GRIK4: variants seen among roughly 807,000 people sequenced by gnomAD.
The protein encoded by GRIK4 is glutamate receptor ionotropic, kainate 4.
In GRIK4, 40 loss-of-function variants were observed where a neutral mutation model predicts 104.9. The ratio of observed to expected loss-of-function variants is 0.38; its 90% confidence interval spans 0.30 to 0.50. The LOEUF (loss-of-function observed/expected upper bound fraction) is 0.50, where lower values mean the gene tolerates loss of function less well. GRIK4 is among the 20% of genes least tolerant of loss of function. GRIK4 has a pLI of 0.93. For missense variants in GRIK4, 1,047 were observed against 1,308.1 expected, an observed-to-expected ratio of 0.80 and a Z score of 3.08; for synonymous variants, 485 against 524.9, an observed-to-expected ratio of 0.92 and a Z score of 1.04.
intron 18 of GRIK4, among the ~76,000 whole-genome samples, chr11:120,963,563 G>C (rs4562840): frequency 0.27 from 41,155 of 152,162 alleles, 6,660 homozygotes; most frequent in Admixed American, 0.39. Flanking sequence ...TCTTGTACAA[G>C]GCAACAGGGG....
intron 1 of GRIK4, among the ~76,000 whole-genome samples, chr11:120,582,306 A>G (rs1452371925): frequency 6.6e-6 from 1 of 151,280 alleles, no homozygotes; most frequent in Non-Finnish European, 1.5e-5. Context: ...ATATATGTGT[A>G]TATATATAAA....
intron 3 of GRIK4, among the ~76,000 whole-genome samples, chr11:120,727,058 G>T (rs1951039884): frequency 6.6e-6 from 1 of 152,170 alleles, no homozygotes; most frequent in Admixed American, 6.5e-5. Context: ...CTGAGAACAG[G>T]AGAACCACAA....
At chr11:120,837,855 T>A (rs1953614609) in intron 8 of GRIK4, among the ~76,000 whole-genome samples, 1 of 151,844 alleles carries the variant, frequency 6.6e-6, no homozygotes, top group South Asian at 2.1e-4. Flanking sequence ...TAAAGTACAG[T>A]TGTGTTCCAT....
At chr11:120,741,410 C>T (rs560617004) in intron 3 of GRIK4, among the ~76,000 whole-genome samples, 8 of 151,462 alleles carry the variant, frequency 5.3e-5, no homozygotes, top group Non-Finnish European at 1.2e-4. Context: ...TCCCAAGTAG[C>T]TGGGACTACA....
At chr11:120,700,272 T>C (rs1950530594) in intron 3 of GRIK4, among the ~76,000 whole-genome samples, 2 of 148,310 alleles carry the variant, frequency 1.3e-5, no homozygotes, top group African/African-American at 2.5e-5. Flanking sequence ...TACTTTTTTT[T>C]TTTTTTTTTT....
intron 13 of GRIK4, among the ~76,000 whole-genome samples, chr11:120,934,483 C>T (rs1043490015): frequency 6.6e-5 from 10 of 152,148 alleles, no homozygotes; most frequent in African/African-American, 2.4e-4. Flanking sequence ...CAGCCAGGCT[C>T]ATGTCCCAGG....
intron 11 of GRIK4, among the ~76,000 whole-genome samples, chr11:120,887,750 G>A (rs1467056399): frequency 1.3e-5 from 2 of 152,194 alleles, no homozygotes; most frequent in East Asian, 1.9e-4. Context: ...GGAGAGGGGC[G>A]TGAAACAAAT....
At chr11:120,899,598 C>T (rs557037586) in intron 12 of GRIK4, among the ~76,000 whole-genome samples, 1 of 152,126 alleles carries the variant, frequency 6.6e-6, no homozygotes, top group Non-Finnish European at 1.5e-5. Flanking sequence ...GTTCTCTATC[C>T]TGAGGTTGTA....
chr11:120,808,242 A>C (rs1252460162), intron 4 of GRIK4, among the ~76,000 whole-genome samples: 2 of 152,150 alleles, frequency 1.3e-5, no homozygotes, highest in Admixed American at 1.3e-4. Context: ...CTCTACCAGC[A>C]CCCTGGGCTT....
At chr11:120,837,289 G>A (rs1450113124) in intron 8 of GRIK4, among the ~76,000 whole-genome samples, 1 of 152,172 alleles carries the variant, frequency 6.6e-6, no homozygotes, top group Non-Finnish European at 1.5e-5. Context: ...CTTTCCAGGG[G>A]CTGCTGTGGG....
intron 1 of GRIK4, among the ~76,000 whole-genome samples, chr11:120,600,378 C>T (rs535451421): frequency 1.3e-5 from 2 of 152,266 alleles, no homozygotes; most frequent in African/African-American, 2.4e-5. Context: ...AGTTTTCCTG[C>T]GAATTAAACA....
intron 13 of GRIK4, among the ~76,000 whole-genome samples, chr11:120,932,122 C>A (rs942317149): frequency 6.6e-6 from 1 of 151,854 alleles, no homozygotes; most frequent in Admixed American, 6.6e-5. Context: ...ACATATATAA[C>A]CCCCCTATAA....
intron 3 of GRIK4, among the ~76,000 whole-genome samples, chr11:120,788,705 T>G (rs1303103331): frequency 6.6e-6 from 1 of 151,652 alleles, no homozygotes; most frequent in Non-Finnish European, 1.5e-5. Context: ...TCTGCTGACT[T>G]TCTCTTTCCC....
At chr11:120,963,684 ACT>A (rs572992704) in intron 18 of GRIK4, among the ~76,000 whole-genome samples, 37 of 152,164 alleles carry the variant, frequency 2.4e-4, no homozygotes, top group African/African-American at 8.9e-4. Flanking sequence ...TTAGCTCAAA[ACT>A]CTGTAAATTG....
intron 3 of GRIK4, among the ~76,000 whole-genome samples, chr11:120,702,281 C>T (rs534956258): frequency 8.5e-5 from 13 of 152,134 alleles, no homozygotes; most frequent in East Asian, 3.9e-4. Context: ...TTGGTACTTA[C>T]GAGGGTAGAG....
chr11:120,565,108 G>A (rs1436293251), intron 1 of GRIK4, among the ~76,000 whole-genome samples: 1 of 152,190 alleles, frequency 6.6e-6, no homozygotes, highest in Non-Finnish European at 1.5e-5. Context: ...GCGGGGCAGC[G>A]TGGGAGGACG....
chr11:120,874,450 A>G (rs1415824077), intron 10 of GRIK4, among the ~76,000 whole-genome samples: 2 of 152,242 alleles, frequency 1.3e-5, no homozygotes, highest in Admixed American at 6.5e-5. Flanking sequence ...AGAAGGCAAC[A>G]GCCCTCGAGC....
At chr11:120,515,710 G>A (rs763592804) in intron 1 of GRIK4, among the ~76,000 whole-genome samples, 27 of 152,164 alleles carry the variant, frequency 1.8e-4, no homozygotes, top group Non-Finnish European at 3.1e-4. Flanking sequence ...CCTCTTCATA[G>A]TAAGGACATA....
intron 1 of GRIK4, among the ~76,000 whole-genome samples, chr11:120,546,182 AG>A (rs1948083920): frequency 6.6e-6 from 1 of 152,158 alleles, no homozygotes. Context: ...TTTTAGCAGC[AG>A]GGACCCTCCT....
Sources: gnomAD v4.1 joint callset for allele counts (sites outside exome capture counted in the v4.1 genomes callset) on GRCh38, gnomAD v4.1.1 for gene constraint, MANE v1.5 for transcripts, NCBI Gene and HGNC (gene_info 2026-07-23, HGNC 2026-07-21) for gene names.